CRYBG1: variants seen among roughly 807,000 people sequenced by gnomAD.
The protein encoded by CRYBG1 is crystallin beta-gamma domain containing 1.
CRYBG1 carries 139 observed loss-of-function variants against 189.2 expected under a neutral mutation model. The ratio of observed to expected loss-of-function variants is 0.73; its 90% confidence interval spans 0.64 to 0.85. The LOEUF (loss-of-function observed/expected upper bound fraction) is 0.85. Among genes scored for constraint, CRYBG1 ranks in the 40% least tolerant of loss-of-function variants. The probability of loss-of-function intolerance (pLI) is 0.00; values close to 1 mark genes in which losing one functional copy is unlikely to be tolerated. For missense variants in CRYBG1, 2,611 were observed against 2,675.8 expected, an observed-to-expected ratio of 0.98 and a Z score of 0.53; for synonymous variants, 1,023 against 1,017.1, an observed-to-expected ratio of 1.01 and a Z score of -0.11.
In CRYBG1 at chr6:106,525,173, C is replaced by G; in HGVS notation, c.4286C>G (p.Pro1429Arg). The G allele has an allele frequency of 1.2e-6, 2 of 1,614,088 alleles. No homozygotes were observed. Among genetic ancestry groups the G allele is most frequent in the Non-Finnish European group, 1.7e-6 (2 of 1,179,990 alleles). Residue 1429 changes from proline to arginine, a missense_variant, in exon 5 of 22, where the codon CCT becomes CGT. Pro to Arg is a moderately radical substitution (Grantham distance 103, BLOSUM62 -2). This residue lies in a region of CRYBG1 where 1,622 missense variants were observed against 1,735.0 expected (regional missense o/e 0.93). Coordinates refer to ENST00000633556, the MANE Select transcript of CRYBG1 (RefSeq NM_001371242.2). ...GSVQNKLNPRPGKVVIYSEPD... is the reference protein window; with the variant it reads ...GSVQNKLNPRRGKVVIYSEPD... ...GTCCAAAATAAACTCAATCCCCGAC[C>G]TGGAAAGGTAAGATTATTTTCTGTT...
chr6:106,568,661 CG>C lies in CRYBG1; in HGVS notation c.*96del. 2 of 827,030 alleles carry C rather than the reference CG, an allele frequency of 2.4e-6. No individual in the cohort carries two copies. Among genetic ancestry groups the C allele is most frequent in the South Asian group, 3.3e-5 (2 of 61,222 alleles). The allele number at this position is 827,030 out of a possible 1,614,324, so 51.2% of individuals were successfully genotyped here. On this transcript the variant is annotated 3_prime_UTR_variant, in exon 22 of 22. Transcript: ENST00000633556. Reference sequence around the variant, plus strand: ...TGGAAGACCAGACTGGAAAGTGGATCGACTCCTCCTTCATTGATTCTAAATT... The same window carrying C: ...TGGAAGACCAGACTGGAAAGTGGATCACTCCTCCTTCATTGATTCTAAATT...
rs565978949 is a variant in CRYBG1 at position 106,562,109 on chromosome 6, T to TA, written c.6138+616dup. Among the ~76,000 whole-genome samples, 268 of 151,882 alleles carry TA rather than the reference T, an allele frequency of 1.8e-3. 1 individual carries two copies. Among genetic ancestry groups the TA allele is most frequent in the African/African-American group, 6.0e-3 (249 of 41,382 alleles). Reference sequence around the variant, plus strand: ...TTGACCGTTGGCTCCTGATTTTCTTTAAAAAAACAAAACAAAACAAAACAA... The same window carrying TA: ...TTGACCGTTGGCTCCTGATTTTCTTTAAAAAAAACAAAACAAAACAAAACAA... On this transcript the variant is annotated intron_variant, in intron 20 of 21. Transcript: ENST00000633556.
chr6:106,415,475 G>A (rs1028512), intron 1 of CRYBG1, among the ~76,000 whole-genome samples: 108,974 of 151,834 alleles, frequency 0.72, 39,993 homozygotes, highest in African/African-American at 0.88. Context: ...CTGTAATCCC[G>A]GCAATTTGAG....
At chr6:106,429,612 G>T (rs984353901) in intron 1 of CRYBG1, among the ~76,000 whole-genome samples, 3 of 152,174 alleles carry the variant, frequency 2.0e-5, no homozygotes, top group Admixed American at 6.5e-5. Flanking sequence ...ATTATTAAAG[G>T]TGGAGGCCTT....
In CRYBG1 at chr6:106,536,050, C is replaced by CGTT. The variant is rs1321827542; in HGVS notation, c.4719-3353_4719-3352insGTT. Among the ~76,000 whole-genome samples the CGTT allele has an allele frequency of 1.3e-5, 2 of 149,496 alleles. 1 individual carries two copies. The highest frequency in any genetic ancestry group is 3.0e-5 in the Non-Finnish European group (2 of 67,448). On this transcript the variant is annotated intron_variant, in intron 8 of 21. Coordinates refer to ENST00000633556, the MANE Select transcript of CRYBG1 (RefSeq NM_001371242.2). ...CCACCCGCCTCGGCCTCCCAAAGTGCTGGGATTACAGGCGTGAGCCACTAA... is the reference window on the plus strand; with the variant it reads ...CCACCCGCCTCGGCCTCCCAAAGTGCGTTTGGGATTACAGGCGTGAGCCACTAA...
chr6:106,515,269 A>G (rs1020077646), intron 3 of CRYBG1, among the ~76,000 whole-genome samples: 1 of 152,244 alleles, frequency 6.6e-6, no homozygotes, highest in Non-Finnish European at 1.5e-5. Context: ...AGGCATTACA[A>G]CATGAATTAT....
chr6:106,471,814 A>AAG (rs1554238647), intron 2 of CRYBG1, among the ~76,000 whole-genome samples: 1 of 149,838 alleles, frequency 6.7e-6, no homozygotes, highest in African/African-American at 2.5e-5. Context: ...AAAAAAAAAA[A>AAG]AAGAAGAAGA....
chr6:106,440,974 G>C (rs549722615), intron 1 of CRYBG1, among the ~76,000 whole-genome samples: 3 of 152,182 alleles, frequency 2.0e-5, no homozygotes, highest in Admixed American at 2.0e-4. Context: ...TCTTTTTGCT[G>C]TAGTGTAATA....
intron 1 of CRYBG1, among the ~76,000 whole-genome samples, chr6:106,425,721 T>A (rs1346320489): frequency 6.6e-6 from 1 of 152,154 alleles, no homozygotes; most frequent in Non-Finnish European, 1.5e-5. Context: ...AACCTCCGCC[T>A]CCCAGGTTCA....
intron 2 of CRYBG1, among the ~76,000 whole-genome samples, chr6:106,493,522 A>T (rs911224136): frequency 6.6e-6 from 1 of 152,234 alleles, no homozygotes; most frequent in Admixed American, 6.5e-5. Context: ...CAGGATCTCA[A>T]AGAGATATTT....
chr6:106,445,951 C>T (rs1390672862), intron 1 of CRYBG1, among the ~76,000 whole-genome samples: 2 of 152,208 alleles, frequency 1.3e-5, no homozygotes, highest in Non-Finnish European at 2.9e-5. Flanking sequence ...TATCCTCACA[C>T]TGTCATTAGA....
intron 2 of CRYBG1, among the ~76,000 whole-genome samples, chr6:106,461,619 G>A (rs1772009327): frequency 6.6e-6 from 1 of 152,062 alleles, no homozygotes; most frequent in Non-Finnish European, 1.5e-5. Context: ...CCTCACTGGG[G>A]GAACTCCCTT....
Position 106,520,237 on chromosome 6 carries a change from T to C in CRYBG1, c.3029T>C (p.Leu1010Pro). ...TGTGCTCCCCCACAAGAGGAAGTAC[T>C]GGGCAATGAACACTCTCATTGCACA... ...ASCAPPQEEV[L>P]GNEHSHCTAE... is the part of the protein sequence containing the mutation. Residue 1010 changes from leucine to proline, a missense_variant, in exon 4 of 22, where the codon CTG becomes CCG. Transcript: ENST00000633556. 1 of 1,614,206 alleles carries C rather than the reference T, an allele frequency of 6.2e-7. No homozygotes were observed. The highest frequency in any genetic ancestry group is 2.2e-5 in the East Asian group (1 of 44,878).
In CRYBG1 at chr6:106,406,599, G is replaced by T. The variant is rs1770830894; in HGVS notation, c.174-45095G>T. On this transcript the variant is annotated intron_variant, in intron 1 of 21. Transcript: ENST00000633556. ...ACACATAATCATCAGATTCACCAAG[G>T]TTGAAATGAAGGAAAAAATGTTAAG... 2.0e-5 allele frequency among the ~76,000 whole-genome samples: 3 copies of T among 152,164 alleles called. No individual in the cohort carries two copies. The South Asian group carries it at 6.2e-4, about 32-fold the overall frequency.
chr6:106,447,801 C>T (rs1278988932), intron 1 of CRYBG1, among the ~76,000 whole-genome samples: 1 of 151,990 alleles, frequency 6.6e-6, no homozygotes, highest in East Asian at 1.9e-4. Flanking sequence ...ACCTTAATAT[C>T]CTTGAGGGCA....
In CRYBG1 at chr6:106,569,804, T is replaced by C. The variant is rs1775003765; in HGVS notation, c.*1238T>C. 1 of 152,176 alleles carries C rather than the reference T, an allele frequency of 6.6e-6. No homozygotes were observed. The highest frequency in any genetic ancestry group is 2.1e-4 in the South Asian group (1 of 4,830). The allele number at this position is 152,176 out of a possible 1,614,324, so 9.4% of individuals were successfully genotyped here. A position where few individuals can be genotyped will look rare whatever the true frequency, so the allele number is the denominator to read the frequency against. On this transcript the variant is annotated 3_prime_UTR_variant, in exon 22 of 22. Transcript: ENST00000633556. ...GCAGCCATGCTTCAGGGTATAGCTG[T>C]TGGTGGACAGCCTCAGGTCTTGGGG...
At chr6:106,474,070 A>G (rs1244818415) in intron 2 of CRYBG1, among the ~76,000 whole-genome samples, 1 of 138,668 alleles carries the variant, frequency 7.2e-6, no homozygotes. Flanking sequence ...GAAAAACAAA[A>G]GAAACTATCT....
chr6:106,469,213 T>C (rs1329230796), intron 2 of CRYBG1, among the ~76,000 whole-genome samples: 3 of 152,216 alleles, frequency 2.0e-5, no homozygotes, highest in African/African-American at 7.2e-5. Context: ...CTTGCCCCTG[T>C]CCTCACAGAA....
In CRYBG1 at chr6:106,512,538, T is replaced by A; in HGVS notation, c.1421T>A (p.Leu474His). 6.2e-7 allele frequency: 1 copy of A among 1,608,486 alleles called. No individual in the cohort carries two copies. The highest frequency in any genetic ancestry group is 8.5e-7 in the Non-Finnish European group (1 of 1,177,992). Residue 474 changes from leucine (L) to histidine (H), a missense_variant, in exon 3 of 22, where the codon CTC (leucine) becomes CAC (histidine). This residue lies in a region of CRYBG1 where 985 missense variants were observed against 924.4 expected (regional missense o/e 1.07). Coordinates refer to ENST00000633556, the MANE Select transcript of CRYBG1 (RefSeq NM_001371242.2). ...AAAGTGAAATCTCCGCGGGCAGCCCTCGACGGGGGCGTTGCCTCCGCTGCG... is the reference window on the plus strand; with the variant it reads ...AAAGTGAAATCTCCGCGGGCAGCCCACGACGGGGGCGTTGCCTCCGCTGCG... ...EKKVKSPRAA[L>H]DGGVASAASP...
Sources: gnomAD v4.1 joint callset for allele counts (sites outside exome capture counted in the v4.1 genomes callset) on GRCh38, gnomAD v4.1.1 for gene constraint, gnomAD v4.1.1 regional missense constraint, MANE v1.5 for transcripts, NCBI Gene and HGNC (gene_info 2026-07-23, HGNC 2026-07-21) for gene names.